SLC71A1: variants seen among roughly 807,000 people sequenced by gnomAD.
SLC71A1 encodes hippocampus abundant gene transcript 1.
the SLC71A1 span, among the ~76,000 whole-genome samples, chr1:100,069,958 C>G: frequency 6.6e-6 from 1 of 152,148 alleles, no homozygotes; most frequent in African/African-American, 2.4e-5. Flanking sequence ...TCTTGTAGTC[C>G]TTGTCCTATT....
At chr1:100,072,598 A>T in the SLC71A1 span, among the ~76,000 whole-genome samples, 1 of 151,996 alleles carries the variant, frequency 6.6e-6, no homozygotes, top group Admixed American at 6.6e-5. Context: ...AAAAAAACTT[A>T]AAAAATTAGT....
chr1:100,043,469 C>T, the SLC71A1 span, among the ~76,000 whole-genome samples: 6 of 152,172 alleles, frequency 3.9e-5, no homozygotes, highest in Non-Finnish European at 5.9e-5. Context: ...TGTTTTCCTT[C>T]CAGTCGTGGG....
chr1:100,065,319 AAT>A, the SLC71A1 span, among the ~76,000 whole-genome samples: 2 of 152,236 alleles, frequency 1.3e-5, no homozygotes, highest in African/African-American at 4.8e-5. Flanking sequence ...TGCCTTAAGC[AAT>A]AGAGTTGCAA....
At chr1:100,055,055 T>A in the SLC71A1 span, among the ~76,000 whole-genome samples, 1 of 152,180 alleles carries the variant, frequency 6.6e-6, no homozygotes. Context: ...GCGAACAGAT[T>A]GATTGGAATG....
At chr1:100,044,781 A>T in the SLC71A1 span, among the ~76,000 whole-genome samples, 3 of 152,132 alleles carry the variant, frequency 2.0e-5, no homozygotes, top group Admixed American at 1.3e-4. Context: ...GCCTCCCAAG[A>T]TGCTGGGATT....
the SLC71A1 span, chr1:100,067,830 A>G: frequency 8.8e-6 from 6 of 683,024 alleles, no homozygotes; most frequent in Non-Finnish European, 1.3e-5. Flanking sequence ...CCCCCACAAG[A>G]AAAAAAGATA....
chr1:100,049,726 G>A, the SLC71A1 span, among the ~76,000 whole-genome samples: 5 of 152,118 alleles, frequency 3.3e-5, no homozygotes, highest in African/African-American at 9.7e-5. Context: ...AATGAATTTC[G>A]TTGTTGCCTT....
chr1:100,043,191 G>A, the SLC71A1 span: 1 of 979,664 alleles, frequency 1.0e-6, no homozygotes, highest in Non-Finnish European at 1.2e-6. Flanking sequence ...GCTACTGAAA[G>A]TTTAAAGTTT....
the SLC71A1 span, among the ~76,000 whole-genome samples, chr1:100,074,580 G>A: frequency 6.6e-6 from 1 of 151,000 alleles, no homozygotes; most frequent in African/African-American, 2.4e-5. Context: ...ACTCCATCTC[G>A]GGGGGAAAAA....
chr1:100,063,623 C>A, the SLC71A1 span, among the ~76,000 whole-genome samples: 1 of 152,080 alleles, frequency 6.6e-6, no homozygotes, highest in Non-Finnish European at 1.5e-5. Flanking sequence ...TAGTGAGACC[C>A]CATCTATACA....
chr1:100,052,292 C>T, the SLC71A1 span, among the ~76,000 whole-genome samples: 11 of 151,536 alleles, frequency 7.3e-5, no homozygotes, highest in African/African-American at 2.4e-4. Flanking sequence ...TGTTATCTTT[C>T]GTGTTATTTT....
At chr1:100,060,962 C>T in the SLC71A1 span, among the ~76,000 whole-genome samples, 1 of 152,040 alleles carries the variant, frequency 6.6e-6, no homozygotes, top group Non-Finnish European at 1.5e-5. Flanking sequence ...TTATATGGGG[C>T]AGGATCTTCT....
chr1:100,049,321 GTT>G, the SLC71A1 span, among the ~76,000 whole-genome samples: 411 of 129,486 alleles, frequency 3.2e-3, 3 homozygotes, highest in African/African-American at 0.011. Flanking sequence ...TTCATTTATG[GTT>G]TTTTTTTTTT....
the SLC71A1 span, among the ~76,000 whole-genome samples, chr1:100,060,914 C>T: frequency 0.021 from 3,135 of 152,156 alleles, 52 homozygotes; most frequent in Non-Finnish European, 0.032. Flanking sequence ...CACGGATGGG[C>T]TTTATTTCCA....
chr1:100,051,322 T>A, the SLC71A1 span, among the ~76,000 whole-genome samples: 1 of 151,972 alleles, frequency 6.6e-6, no homozygotes, highest in Admixed American at 6.6e-5. Flanking sequence ...ACCCGGGAAG[T>A]GGAGGTTGCA....
the SLC71A1 span, chr1:100,061,804 C>G: frequency 3.8e-6 from 5 of 1,312,452 alleles, no homozygotes; most frequent in South Asian, 3.6e-5. Flanking sequence ...GGTAATTGCT[C>G]TAACCATTTC....
the SLC71A1 span, chr1:100,068,196 G>T: frequency 6.2e-7 from 1 of 1,612,566 alleles, no homozygotes; most frequent in Non-Finnish European, 8.5e-7. Flanking sequence ...CCCTTTTGCG[G>T]TAAGTTTATA....
At chr1:100,042,782 A>G in the SLC71A1 span, among the ~76,000 whole-genome samples, 2 of 151,642 alleles carry the variant, frequency 1.3e-5, no homozygotes, top group African/African-American at 2.4e-5. Context: ...TAATTTTTGT[A>G]TTTTTTTAGT....
chr1:100,038,439 C>G, the SLC71A1 span: 3 of 793,002 alleles, frequency 3.8e-6, no homozygotes, highest in African/African-American at 5.2e-5. Context: ...CCTGTCCGAG[C>G]TGCCGGTGCC....
Sources: gnomAD v4.1 joint callset for allele counts (sites outside exome capture counted in the v4.1 genomes callset) on GRCh38, gnomAD v4.1.1 for gene constraint, MANE v1.5 for transcripts, NCBI Gene and HGNC (gene_info 2026-07-23, HGNC 2026-07-21) for gene names.